The following CHD5 variants were observed in gnomAD, a reference collection of about 807,000 sequenced individuals.
CHD5 encodes chromodomain helicase DNA binding protein 5.
Under a neutral mutation model 230.3 loss-of-function variants are expected in CHD5, and 69 were observed. That is an observed-to-expected ratio of 0.30 (90% CI 0.25 to 0.37). The LOEUF is 0.37. Ranked by LOEUF, CHD5 falls within the 10% of genes least tolerant of loss-of-function variation. The pLI, the probability that CHD5 is intolerant of heterozygous loss-of-function variation, is 1.00. For missense variants in CHD5, 1,827 were observed against 2,622.8 expected, an observed-to-expected ratio of 0.70 and a Z score of 6.63; for synonymous variants, 1,064 against 1,065.9, an observed-to-expected ratio of 1.00 and a Z score of 0.03.
intron 11 of CHD5, among the ~76,000 whole-genome samples, chr1:6,145,734 G>A (rs116090396): frequency 1.2e-4 from 19 of 152,298 alleles, no homozygotes; most frequent in Middle Eastern, 6.8e-3. Context: ...GCTCCACCCC[G>A]TGGCTGTGTG....
At chr1:6,163,653 G>T (rs552424625) in intron 2 of CHD5, among the ~76,000 whole-genome samples, 1 of 152,200 alleles carries the variant, frequency 6.6e-6, no homozygotes, top group African/African-American at 2.4e-5. Flanking sequence ...GGAAAGAAAC[G>T]ATCAAGAACC....
In CHD5 at chr1:6,142,201, G is replaced by A. The variant is rs747181134; in HGVS notation, c.2363C>T (p.Ser788Leu). 5.1e-5 allele frequency: 83 copies of A among 1,614,030 alleles called. No homozygotes were observed. Among genetic ancestry groups the A allele is most frequent in the Non-Finnish European group, 6.6e-5 (78 of 1,180,032 alleles). The change falls in exon 15 of 42, where the codon TCG becomes TTG. Residue 788 changes from serine (S) to leucine (L), a missense_variant. Coordinates refer to ENST00000262450, the MANE Select transcript of CHD5 (RefSeq NM_015557.3). This position sits in a 1 kb window ranked among gnomAD's most constrained non-coding sequence, Gnocchi z 5.2. ...VTYTGDKESR[S>L]VIRENEFSFE... ...GGAAAACTCGTTCTCCCGAATCACC[G>A]AGCGGCTCTCCTTGTCCCCCGTGTA...
In CHD5 at chr1:6,125,935, G is replaced by A. The variant is rs1233008198; in HGVS notation, c.4079-77C>T. ...ACCCTCAAGTTCAAGCATGCCCAGG[G>A]CCACGCCGAGCCCCTGCACCCCAGC... is the stretch of plus-strand genomic sequence containing the variant. On this transcript the variant is annotated intron_variant, in intron 26 of 41. Coordinates refer to ENST00000262450, the MANE Select transcript of CHD5 (RefSeq NM_015557.3). The surrounding 1 kb of genome is among the most constrained non-coding windows in gnomAD (Gnocchi z 6.7). 2.9e-6 allele frequency: 3 copies of A among 1,030,938 alleles called. No homozygotes were observed. Among genetic ancestry groups the A allele is most frequent in the African/African-American group, 3.1e-5 (2 of 63,676 alleles). 63.9% of individuals were successfully genotyped at this position (1,030,938 alleles called of 1,614,324 possible). A position where few individuals can be genotyped will look rare whatever the true frequency, so the allele number is the denominator to read the frequency against.
At chr1:6,118,509 A>G (rs1666412730) in intron 33 of CHD5, among the ~76,000 whole-genome samples, 1 of 152,174 alleles carries the variant, frequency 6.6e-6, no homozygotes, top group Admixed American at 6.5e-5. Context: ...ATTGGTATGA[A>G]ATGTTCAGAA....
Position 6,180,067 on chromosome 1 carries a change from C to A in CHD5, c.-44G>T. ...GGGAGGTGGGCGCCCCCCCTCCCGC[C>A]GGGCGCGGTGCCAGCCTTAACCCGT... On this transcript the variant is annotated 5_prime_UTR_variant, in exon 1 of 42. Transcript: ENST00000262450. 8.9e-7 allele frequency: 1 copy of A among 1,127,694 alleles called. No individual in the cohort carries two copies. The highest frequency in any genetic ancestry group is 1.1e-6 in the Non-Finnish European group (1 of 885,268). The allele number at this position is 1,127,694 out of a possible 1,614,324, so 69.9% of individuals were successfully genotyped here.
chr1:6,128,252 G>A lies in CHD5; in HGVS notation c.3731-34C>T, dbSNP rs530714849. On this transcript the variant is annotated intron_variant, in intron 24 of 41. Coordinates refer to ENST00000262450, the MANE Select transcript of CHD5 (RefSeq NM_015557.3). The surrounding 1 kb of genome is among the most constrained non-coding windows in gnomAD (Gnocchi z 7.8). ...CAGGCAAATGCAGTGTGAGGACAAA[G>A]ACTGCCCTGGTCCAGCCCCGGGGTC... 4.4e-6 allele frequency: 7 copies of A among 1,605,062 alleles called. No individual in the cohort carries two copies. In the East Asian group the frequency reaches 1.3e-4, roughly 31 times the overall value.
At chr1:6,144,814 C>A (rs1316123667) in intron 11 of CHD5, among the ~76,000 whole-genome samples, 3 of 152,226 alleles carry the variant, frequency 2.0e-5, no homozygotes, top group Non-Finnish European at 4.4e-5. Context: ...AGGAGGCACA[C>A]AGACCCGGTG....
rs932103998 is a variant in CHD5, at chr1:6,129,454, CA to C, written c.3388-386del. Among the ~76,000 whole-genome samples the C allele has an allele frequency of 3.3e-5, 5 of 152,274 alleles. No individual in the cohort carries two copies. Among genetic ancestry groups the C allele is most frequent in the African/African-American group, 1.2e-4 (5 of 41,560 alleles). ...TGTGAGCGAACCACTAATGGGACCA[CA>C]AGACCATGTGCTGGAGACACGCAGC... On this transcript the variant is annotated intron_variant, in intron 22 of 41. Coordinates refer to ENST00000262450, the MANE Select transcript of CHD5 (RefSeq NM_015557.3). The surrounding 1 kb of genome is among the most constrained non-coding windows in gnomAD (Gnocchi z 6.8).
intron 3 of CHD5, among the ~76,000 whole-genome samples, chr1:6,158,997 A>C (rs1667122197): frequency 1.1e-5 from 1 of 89,328 alleles, no homozygotes; most frequent in Non-Finnish European, 2.0e-5. Context: ...ACAGAGCGAG[A>C]CTCCGTCTCA....
Position 6,136,978 on chromosome 1 carries a change from G to A in CHD5, c.2437-113C>T, listed in dbSNP as rs543723543. ...GCACAGGAACCCACAAAGGCTCCACGGAGCCCTGGGCCGGCCAGCCTAGGA... is the reference window on the plus strand; with the variant it reads ...GCACAGGAACCCACAAAGGCTCCACAGAGCCCTGGGCCGGCCAGCCTAGGA... On this transcript the variant is annotated intron_variant, in intron 15 of 41. Transcript: ENST00000262450. The A allele has an allele frequency of 1.2e-4, 145 of 1,201,548 alleles. No homozygotes were observed. The African/African-American group carries it at 1.6e-3, about 13-fold the overall frequency. 74.4% of individuals were successfully genotyped at this position (1,201,548 alleles called of 1,614,324 possible).
intron 2 of CHD5, among the ~76,000 whole-genome samples, chr1:6,163,917 C>A (rs1667214711): frequency 6.6e-6 from 1 of 152,224 alleles, no homozygotes; most frequent in Non-Finnish European, 1.5e-5. Context: ...GCCCTACCAG[C>A]TAGCAGAAGA....
intron 3 of CHD5, among the ~76,000 whole-genome samples, chr1:6,158,849 T>A (rs1667119850): frequency 6.7e-6 from 1 of 148,864 alleles, no homozygotes; most frequent in Non-Finnish European, 1.5e-5. Context: ...CTACTAAAAA[T>A]ACAAAAAATT....
intron 25 of CHD5, among the ~76,000 whole-genome samples, chr1:6,127,519 C>T (rs535947614): frequency 6.6e-6 from 1 of 151,764 alleles, no homozygotes; most frequent in Non-Finnish European, 1.5e-5. Flanking sequence ...GTGGGCCGTC[C>T]TGGAACGTTG....
At chr1:6,176,209 C>T (rs1242277772) in intron 1 of CHD5, among the ~76,000 whole-genome samples, 1 of 152,194 alleles carries the variant, frequency 6.6e-6, no homozygotes, top group African/African-American at 2.4e-5. Context: ...AACCATGCTT[C>T]CACAGGGGTA....
At chr1:6,118,025 T>C (rs977984650) in intron 33 of CHD5, among the ~76,000 whole-genome samples, 1 of 152,116 alleles carries the variant, frequency 6.6e-6, no homozygotes, top group Non-Finnish European at 1.5e-5. Context: ...ACAACTCAAA[T>C]GTGTATCACT....
chr1:6,118,455 A>G (rs1666412222), intron 33 of CHD5, among the ~76,000 whole-genome samples: 1 of 152,110 alleles, frequency 6.6e-6, no homozygotes, highest in African/African-American at 2.4e-5. Context: ...ACACTATGCT[A>G]AGTGAAAGAA....
chr1:6,136,227 C>T (rs1666744706), intron 17 of CHD5, among the ~76,000 whole-genome samples: 1 of 151,894 alleles, frequency 6.6e-6, no homozygotes, highest in African/African-American at 2.4e-5. Context: ...AAGGAACCTG[C>T]CAGGGGAGGC....
intron 29 of CHD5, 107 bp downstream of exon 29, chr1:6,124,993 C>T (rs1400141331): frequency 4.9e-6 from 6 of 1,224,258 alleles, no homozygotes; most frequent in Non-Finnish European, 6.6e-6. Flanking sequence ...TCCAGACGGC[C>T]TCATCCTGGC....
Position 6,126,316 on chromosome 1 carries a change from G to T in CHD5, c.4078+256C>A, listed in dbSNP as rs76145082. On this transcript the variant is annotated intron_variant, in intron 26 of 41. Coordinates refer to ENST00000262450, the MANE Select transcript of CHD5 (RefSeq NM_015557.3). The surrounding 1 kb of genome is among the most constrained non-coding windows in gnomAD (Gnocchi z 5.7). The stretch of plus-strand genomic sequence containing the variant: ...GCCCCACCCTCCACCTCTGGGTATG[G>T]GACACCCATCCCTCCTGGCACACTC... Among the ~76,000 whole-genome samples, 1 of 151,538 alleles carries T rather than the reference G, an allele frequency of 6.6e-6. No homozygotes were observed. The highest frequency in any genetic ancestry group is 2.0e-4 in the East Asian group (1 of 5,124).
Sources: allele counts gnomAD v4.1 joint callset (sites outside exome capture counted in the v4.1 genomes callset), GRCh38; gene constraint gnomAD v4.1.1; non-coding constraint Gnocchi (gnomAD v3.1); transcripts MANE v1.5; gene names NCBI Gene and HGNC (gene_info 2026-07-23, HGNC 2026-07-21).